MBOAT2: variants seen among roughly 807,000 people sequenced by gnomAD.
MBOAT2 encodes the protein membrane-bound glycerophospholipid O-acyltransferase 2.
Under a neutral mutation model 63.4 loss-of-function variants are expected in MBOAT2, and 28 were observed. That is an observed-to-expected ratio of 0.44 (90% CI 0.33 to 0.61). The LOEUF (loss-of-function observed/expected upper bound fraction) is 0.61, where lower values mean the gene tolerates loss of function less well. MBOAT2 is among the 20% of genes least tolerant of loss of function. The probability of loss-of-function intolerance (pLI) is 0.03; values close to 1 mark genes in which losing one functional copy is unlikely to be tolerated. For missense variants in MBOAT2, 470 were observed against 605.8 expected, an observed-to-expected ratio of 0.78 and a Z score of 2.35; for synonymous variants, 211 against 215.6, an observed-to-expected ratio of 0.98 and a Z score of 0.19.
At chr2:8,945,802 C>T (rs1204626219) in intron 2 of MBOAT2, among the ~76,000 whole-genome samples, 1 of 151,570 alleles carries the variant, frequency 6.6e-6, no homozygotes, top group Non-Finnish European at 1.5e-5. Context: ...TCAAGTCACA[C>T]TAAAGGCATA....
At chr2:8,972,974 A>T (rs1670557925) in intron 1 of MBOAT2, among the ~76,000 whole-genome samples, 1 of 152,160 alleles carries the variant, frequency 6.6e-6, no homozygotes, top group Non-Finnish European at 1.5e-5. Flanking sequence ...TTCCTCAAGG[A>T]TCTCGAACTA....
chr2:8,945,638 G>C (rs1310085257), intron 2 of MBOAT2, among the ~76,000 whole-genome samples: 3 of 152,148 alleles, frequency 2.0e-5, no homozygotes, highest in African/African-American at 7.2e-5. Flanking sequence ...TCCACTGGCT[G>C]ATTCTCTAAG....
chr2:8,934,966 C>G (rs556029252), intron 3 of MBOAT2, among the ~76,000 whole-genome samples: 1 of 152,250 alleles, frequency 6.6e-6, no homozygotes, highest in South Asian at 2.1e-4. Context: ...TAGGAAGCCA[C>G]TGTAGGAGTG....
chr2:8,862,551 T>C lies in MBOAT2; in HGVS notation c.1185+39A>G, dbSNP rs979882606. The stretch of plus-strand genomic sequence containing the variant: ...TACTCAGCCTTTTTAACAGTTCAAG[T>C]GGACCATTGAATTGTAAAATAAAAT... On this transcript the variant is annotated intron_variant, in intron 11 of 12. Transcript: ENST00000305997. The surrounding 1 kb of genome is among the most constrained non-coding windows in gnomAD (Gnocchi z 4.3). The C allele has an allele frequency of 1.2e-5, 19 of 1,589,450 alleles. No homozygotes were observed. The highest frequency in any genetic ancestry group is 1.6e-5 in the Non-Finnish European group (19 of 1,168,522).
chr2:8,999,189 C>G (rs941197598), intron 1 of MBOAT2, among the ~76,000 whole-genome samples: 1 of 152,210 alleles, frequency 6.6e-6, no homozygotes, highest in African/African-American at 2.4e-5. Flanking sequence ...ATGAATGACC[C>G]CTGTCCCTAA....
At chr2:8,905,825 A>C (rs185503607) in intron 4 of MBOAT2, among the ~76,000 whole-genome samples, 1 of 152,224 alleles carries the variant, frequency 6.6e-6, no homozygotes, top group Non-Finnish European at 1.5e-5. Flanking sequence ...GTTTCCTCCT[A>C]ATGGATAAAA....
intron 5 of MBOAT2, among the ~76,000 whole-genome samples, chr2:8,887,615 G>A (rs552190575): frequency 1.3e-5 from 2 of 152,262 alleles, no homozygotes; most frequent in African/African-American, 2.4e-5. Context: ...AAAAATACAT[G>A]GAAACAGGTA....
At chr2:8,896,469 A>T (rs1385090847) in intron 4 of MBOAT2, among the ~76,000 whole-genome samples, 2 of 152,118 alleles carry the variant, frequency 1.3e-5, no homozygotes, top group Non-Finnish European at 2.9e-5. Flanking sequence ...TAGAGTAAGG[A>T]TAGATTTCGT....
At chr2:8,995,359 G>A (rs181270202) in intron 1 of MBOAT2, among the ~76,000 whole-genome samples, 4 of 152,324 alleles carry the variant, frequency 2.6e-5, no homozygotes, top group East Asian at 1.9e-4. Flanking sequence ...TTCTACATAT[G>A]AGATTATACA....
intron 3 of MBOAT2, among the ~76,000 whole-genome samples, chr2:8,930,438 C>T (rs1667236250): frequency 1.3e-5 from 2 of 152,078 alleles, no homozygotes; most frequent in Admixed American, 6.5e-5. Context: ...CATAGTATTC[C>T]ATGGTGTATA....
chr2:8,988,196 G>T lies in MBOAT2; in HGVS notation c.75+15344C>A, dbSNP rs1671690996. On this transcript the variant is annotated intron_variant, in intron 1 of 12. Coordinates refer to ENST00000305997, the MANE Select transcript of MBOAT2 (RefSeq NM_138799.4). The stretch of plus-strand genomic sequence containing the variant: ...ATCCCCACTATTTTGCTTTGGTTTG[G>T]GTCTTGGCCTAATATCTACTTGCTG... Among the ~76,000 whole-genome samples, 4 of 152,088 alleles carry T rather than the reference G, an allele frequency of 2.6e-5. 1 individual carries two copies. Among genetic ancestry groups the T allele is most frequent in the Admixed American group, 2.6e-4 (4 of 15,262 alleles).
chr2:8,869,166 C>A (rs1192334670), intron 8 of MBOAT2, among the ~76,000 whole-genome samples: 1 of 151,798 alleles, frequency 6.6e-6, no homozygotes, highest in Admixed American at 6.6e-5. Flanking sequence ...CCTGTCTCAG[C>A]CTCCTGAGTA....
chr2:8,890,810 C>T (rs557494850), intron 4 of MBOAT2, among the ~76,000 whole-genome samples: 32 of 152,282 alleles, frequency 2.1e-4, no homozygotes, highest in Admixed American at 2.0e-3. Flanking sequence ...TGTGAGCCAC[C>T]GTGCCTGGCC....
intron 3 of MBOAT2, among the ~76,000 whole-genome samples, chr2:8,912,764 C>T (rs1463130644): frequency 6.6e-6 from 1 of 152,130 alleles, no homozygotes; most frequent in Non-Finnish European, 1.5e-5. Flanking sequence ...AATGACCATA[C>T]TCCAAAAGCA....
chr2:8,930,533 T>A (rs1667242579), intron 3 of MBOAT2, among the ~76,000 whole-genome samples: 6 of 152,116 alleles, frequency 3.9e-5, no homozygotes. Context: ...AGTGCCACAA[T>A]AAACATACGT....
intron 8 of MBOAT2, among the ~76,000 whole-genome samples, chr2:8,871,268 G>A (rs990702179): frequency 3.3e-5 from 5 of 152,094 alleles, no homozygotes; most frequent in Non-Finnish European, 5.9e-5. Flanking sequence ...AACATGCTGG[G>A]ATTACAGGTA....
intron 4 of MBOAT2, among the ~76,000 whole-genome samples, chr2:8,899,872 C>T (rs1363931330): frequency 3.3e-5 from 5 of 152,118 alleles, no homozygotes; most frequent in Admixed American, 6.6e-5. Flanking sequence ...TATAGAACAC[C>T]GAGGTTGCCA....
At chr2:8,957,002 C>G (rs140354804) in intron 2 of MBOAT2, among the ~76,000 whole-genome samples, 1 of 152,288 alleles carries the variant, frequency 6.6e-6, no homozygotes, top group Non-Finnish European at 1.5e-5. Context: ...ACTACAAGCC[C>G]TTCCCAATGC....
chr2:8,869,502 AAAAC>A (rs1272368466), intron 8 of MBOAT2, among the ~76,000 whole-genome samples: 6 of 152,268 alleles, frequency 3.9e-5, no homozygotes. Flanking sequence ...GACCAAAGAA[AAAAC>A]AAACAAATCC....
Sources: allele counts gnomAD v4.1 joint callset (sites outside exome capture counted in the v4.1 genomes callset), GRCh38; gene constraint gnomAD v4.1.1; non-coding constraint Gnocchi (gnomAD v3.1); transcripts MANE v1.5; gene names NCBI Gene and HGNC (gene_info 2026-07-23, HGNC 2026-07-21).